Variants in MCTP1 observed in about 807,000 individuals in gnomAD.
The protein encoded by MCTP1 is multiple C2 and transmembrane domain-containing protein 1.
MCTP1 carries 69 observed loss-of-function variants against 120.6 expected under a neutral mutation model. The ratio of observed to expected loss-of-function variants is 0.57; its 90% CI spans 0.47 to 0.70. The LOEUF is 0.70. Ranked by LOEUF, MCTP1 falls within the 30% of genes least tolerant of loss-of-function variation. The pLI, the probability that MCTP1 is intolerant of heterozygous loss-of-function variation, is 0.00. For missense variants in MCTP1, 1,203 were observed against 1,248.8 expected, an observed-to-expected ratio of 0.96 and a Z score of 0.55; for synonymous variants, 529 against 493.1, an observed-to-expected ratio of 1.07 and a Z score of -0.96.
At chr5:94,731,450 A>G (rs569516499) in intron 19 of MCTP1, among the ~76,000 whole-genome samples, 2 of 152,292 alleles carry the variant, frequency 1.3e-5, no homozygotes, top group Admixed American at 6.5e-5. Context: ...TTAACATTTT[A>G]TTACTATTAT....
intron 15 of MCTP1, 111 bp downstream of exon 15, chr5:94,870,761 T>G (rs1797703858): frequency 2.4e-6 from 2 of 823,446 alleles, no homozygotes; most frequent in Admixed American, 4.0e-5. Context: ...CCAGGACACA[T>G]GAAGGTTTAG....
intron 1 of MCTP1, among the ~76,000 whole-genome samples, chr5:95,145,263 T>C (rs1053002655): frequency 6.6e-6 from 1 of 152,172 alleles, no homozygotes; most frequent in African/African-American, 2.4e-5. Flanking sequence ...GAAAGTTTAC[T>C]GAAGTCATTT....
chr5:95,187,804 A>C (rs1297518821), intron 1 of MCTP1, among the ~76,000 whole-genome samples: 1 of 152,170 alleles, frequency 6.6e-6, no homozygotes, highest in Non-Finnish European at 1.5e-5. Flanking sequence ...CTACTATTTG[A>C]TAGCACAACA....
intron 11 of MCTP1, among the ~76,000 whole-genome samples, chr5:94,889,223 A>G (rs940431324): frequency 2.0e-5 from 3 of 152,196 alleles, no homozygotes; most frequent in Non-Finnish European, 4.4e-5. Context: ...GCAATTCTAC[A>G]TAAGAACTTA....
intron 1 of MCTP1, among the ~76,000 whole-genome samples, chr5:95,195,665 G>A (rs962436989): frequency 1.3e-5 from 2 of 152,072 alleles, no homozygotes; most frequent in Non-Finnish European, 2.9e-5. Context: ...TTGATAGAGC[G>A]CTAAGGCAGC....
At chr5:94,882,064 T>C (rs1383262149) in intron 12 of MCTP1, among the ~76,000 whole-genome samples, 2 of 152,192 alleles carry the variant, frequency 1.3e-5, no homozygotes, top group African/African-American at 2.4e-5. Flanking sequence ...TTCTCTATGG[T>C]TAAAGCAAGA....
chr5:95,137,775 T>C (rs1446268559), intron 1 of MCTP1, among the ~76,000 whole-genome samples: 1 of 152,170 alleles, frequency 6.6e-6, no homozygotes, highest in African/African-American at 2.4e-5. Flanking sequence ...GCAAACATCA[T>C]AAATGAATTA....
chr5:95,260,627 C>A (rs994524219), intron 1 of MCTP1, among the ~76,000 whole-genome samples: 1 of 151,804 alleles, frequency 6.6e-6, no homozygotes. Flanking sequence ...ATATATATAT[C>A]TTTTCCCTTC....
chr5:94,713,435 G>GGAGT (rs1757822349), intron 20 of MCTP1, among the ~76,000 whole-genome samples: 1 of 152,098 alleles, frequency 6.6e-6, no homozygotes, highest in Non-Finnish European at 1.5e-5. Context: ...GAGTTACAAA[G>GGAGT]GAGTTTCTTC....
intron 1 of MCTP1, among the ~76,000 whole-genome samples, chr5:95,151,512 G>C (rs1220385916): frequency 6.6e-6 from 1 of 152,080 alleles, no homozygotes; most frequent in Non-Finnish European, 1.5e-5. Context: ...AGGGTCAACT[G>C]TGTATTTTAA....
At chr5:95,164,610 C>T (rs1313268766) in intron 1 of MCTP1, among the ~76,000 whole-genome samples, 1 of 152,042 alleles carries the variant, frequency 6.6e-6, no homozygotes, top group Non-Finnish European at 1.5e-5. Flanking sequence ...TATAATAATA[C>T]ATGCAATATT....
At chr5:94,738,931 C>G (rs1490044895) in intron 19 of MCTP1, among the ~76,000 whole-genome samples, 1 of 152,226 alleles carries the variant, frequency 6.6e-6, no homozygotes, top group Non-Finnish European at 1.5e-5. Context: ...GGTGTGGCTT[C>G]TGATCACCTT....
intron 17 of MCTP1, among the ~76,000 whole-genome samples, chr5:94,854,678 A>G (rs1794412621): frequency 6.6e-6 from 1 of 151,858 alleles, no homozygotes; most frequent in Non-Finnish European, 1.5e-5. Context: ...ATTAGTCCCC[A>G]TACTGTGTGA....
At chr5:95,229,117 C>G (rs1349158344) in intron 1 of MCTP1, among the ~76,000 whole-genome samples, 3 of 152,268 alleles carry the variant, frequency 2.0e-5, no homozygotes, top group Admixed American at 2.0e-4. Flanking sequence ...ACACCAATAG[C>G]TGACCGAAGC....
chr5:95,051,980 G>C (rs1275159266), intron 1 of MCTP1, among the ~76,000 whole-genome samples: 2 of 151,906 alleles, frequency 1.3e-5, no homozygotes, highest in African/African-American at 4.8e-5. Context: ...CCAAACCCCC[G>C]TGACACACAA....
At chr5:95,116,848 G>T (rs1757858318) in intron 1 of MCTP1, among the ~76,000 whole-genome samples, 1 of 151,838 alleles carries the variant, frequency 6.6e-6, no homozygotes, top group Admixed American at 6.6e-5. Flanking sequence ...GCCTGTTGCG[G>T]GTGTATACAA....
intron 19 of MCTP1, among the ~76,000 whole-genome samples, chr5:94,761,794 C>G (rs530269054): frequency 3.3e-5 from 5 of 152,306 alleles, no homozygotes; most frequent in African/African-American, 1.2e-4. Flanking sequence ...CTGGGCTGGC[C>G]TAAAGTCTTG....
Position 94,947,619 on chromosome 5 carries a change from GAGAA to G in MCTP1, c.982-5196_982-5193del, listed in dbSNP as rs1315767796. ...AGAGAGAGAGAGAGAGAGAGAGAGA[GAGAA>G]AGAGAGACAGGGTCCAGGGTCTCAC... On this transcript the variant is annotated intron_variant, in intron 3 of 22. Coordinates refer to ENST00000515393, the MANE Select transcript of MCTP1 (RefSeq NM_024717.7). Among the ~76,000 whole-genome samples the G allele has an allele frequency of 2.3e-4, 29 of 125,492 alleles. 1 individual carries two copies. The highest frequency in any genetic ancestry group is 6.6e-4 in the African/African-American group (22 of 33,164). 82.3% of individuals were successfully genotyped at this position (125,492 alleles called of 152,430 possible).
intron 1 of MCTP1, among the ~76,000 whole-genome samples, chr5:95,264,150 G>T (rs1758697480): frequency 6.6e-6 from 1 of 152,156 alleles, no homozygotes; most frequent in Non-Finnish European, 1.5e-5. Flanking sequence ...AAAAGAGGAT[G>T]GTAAGTGGAT....
Sources: allele counts gnomAD v4.1 joint callset (sites outside exome capture counted in the v4.1 genomes callset), GRCh38; gene constraint gnomAD v4.1.1; transcripts MANE v1.5; gene names NCBI Gene and HGNC (gene_info 2026-07-23, HGNC 2026-07-21).